Variants in ZNF492 observed in about 807,000 individuals in gnomAD.
ZNF492 encodes the protein zinc finger protein 492, also known as zinc finger protein 115 (Y20).
Under a neutral mutation model 6.4 loss-of-function variants are expected in ZNF492, and 3 were observed. The observed-to-expected ratio is 0.47, with a 90% CI of 0.21 to 1.22. The LOEUF is 1.22. Among genes scored for constraint, ZNF492 ranks in the 50% most tolerant of loss-of-function variants. The pLI is 0.22. For synonymous variants in ZNF492, 112 were observed against 205.3 expected, an observed-to-expected ratio of 0.55 and a Z score of 3.89; for missense variants, 356 against 612.5, an observed-to-expected ratio of 0.58 and a Z score of 4.42.
At position 22,659,654 on chromosome 19, in the gene ZNF492, G is replaced by GT. The variant is rs989873389; in HGVS notation, c.131-4137dup. On this transcript the variant is annotated intron_variant, in intron 3 of 3. Coordinates refer to ENST00000456783, the MANE Select transcript of ZNF492 (RefSeq NM_020855.3). ...GTTCCCAGTGAGTAAATCTGAAGTGGTTTTTTTTTGTTGTTTTTTTTTTTT... is the reference window on the plus strand; with the variant it reads ...GTTCCCAGTGAGTAAATCTGAAGTGGTTTTTTTTTTGTTGTTTTTTTTTTTT... Among the ~76,000 whole-genome samples, 1,108 of 139,064 alleles carry GT rather than the reference G, an allele frequency of 8.0e-3. 8 individuals carry two copies. The highest frequency in any genetic ancestry group is 1.0e-2 in the Non-Finnish European group (650 of 65,158). The allele number at this position is 139,064 out of a possible 152,430, so 91.2% of individuals were successfully genotyped here.
chr19:22,634,526 C>G (rs1971740052), intron 1 of ZNF492, 52 bp downstream of exon 1: 1 of 1,365,618 alleles, frequency 7.3e-7, no homozygotes, highest in Admixed American at 1.7e-5. Flanking sequence ...CTGGTTGGAA[C>G]CGGTGGCAAG....
Position 22,666,264 on chromosome 19 carries a change from C to T in ZNF492, c.*999C>T, listed in dbSNP as rs1252120158. The T allele has an allele frequency of 6.7e-6, 1 of 150,008 alleles. No homozygotes were observed. Among genetic ancestry groups the T allele is most frequent in the Non-Finnish European group, 1.5e-5 (1 of 67,832 alleles). 9.3% of individuals were successfully genotyped at this position (150,008 alleles called of 1,614,324 possible). On this transcript the variant is annotated 3_prime_UTR_variant, in exon 4 of 4. Coordinates refer to ENST00000456783, the MANE Select transcript of ZNF492 (RefSeq NM_020855.3). ...GGAGTACAGTGGCACGATCTCAGCT[C>T]ACTGCAACCTCCGTCTCCAGGGTTC... is the stretch of plus-strand genomic sequence containing the variant.
chr19:22,653,818 T>A (rs1971966131), intron 2 of ZNF492, 102 bp from the exon 3 acceptor site: 1 of 1,254,192 alleles, frequency 8.0e-7, no homozygotes, highest in East Asian at 2.6e-5. Context: ...TATTTTGGAA[T>A]CAATTTACTA....
intron 1 of ZNF492, among the ~76,000 whole-genome samples, chr19:22,647,294 T>G (rs1286432298): frequency 2.0e-5 from 3 of 150,488 alleles, no homozygotes; most frequent in African/African-American, 7.3e-5. Flanking sequence ...TTCATTCTTG[T>G]TGCCCAGGCT....
intron 1 of ZNF492, among the ~76,000 whole-genome samples, chr19:22,639,029 A>T (rs1178191118): frequency 2.0e-5 from 3 of 151,856 alleles, no homozygotes; most frequent in African/African-American, 4.8e-5. Flanking sequence ...TTTAGTAGAG[A>T]TGGGGTTTCA....
chr19:22,648,547 G>T (rs1428511423), intron 1 of ZNF492, among the ~76,000 whole-genome samples: 1 of 152,198 alleles, frequency 6.6e-6, no homozygotes, highest in Non-Finnish European at 1.5e-5. Context: ...ACAGTGAGGT[G>T]TTAAAGTCTC....
Position 22,658,631 on chromosome 19 carries a change from A to G in ZNF492, c.130+4616A>G, listed in dbSNP as rs4024182. ...CATTTTATTTTGCATAAAGTCATCAAGATTTACCTTTATAGTTGTTAGAAT... is the reference window on the plus strand; with the variant it reads ...CATTTTATTTTGCATAAAGTCATCAGGATTTACCTTTATAGTTGTTAGAAT... On this transcript the variant is annotated intron_variant, in intron 3 of 3. Coordinates refer to ENST00000456783, the MANE Select transcript of ZNF492 (RefSeq NM_020855.3). 2.4e-3 allele frequency among the ~76,000 whole-genome samples: 339 copies of G among 139,618 alleles called. 36 individuals carry two copies. Among genetic ancestry groups the G allele is most frequent in the Non-Finnish European group, 3.9e-3 (260 of 66,066 alleles). The allele number at this position is 139,618 out of a possible 152,430, so 91.6% of individuals were successfully genotyped here.
intron 1 of ZNF492, among the ~76,000 whole-genome samples, chr19:22,640,071 A>G (rs1158991280): frequency 3.9e-5 from 6 of 152,028 alleles, no homozygotes; most frequent in African/African-American, 1.4e-4. Flanking sequence ...GTTAAATTTT[A>G]TTGAAAGCCT....
intron 3 of ZNF492, among the ~76,000 whole-genome samples, chr19:22,654,950 A>G (rs1440438205): frequency 3.3e-5 from 5 of 151,718 alleles, no homozygotes; most frequent in African/African-American, 1.2e-4. Flanking sequence ...GAATTTTGAT[A>G]GAGAATTTAT....
At position 22,663,940 on chromosome 19, in the gene ZNF492, T is replaced by C; in HGVS notation, c.271T>C (p.Cys91Arg). ...LRKYCKSMDECKVHKECYNGL... is the reference protein window; with the variant it reads ...LRKYCKSMDERKVHKECYNGL... ...AAAATACTGTAAAAGCATGGATGAGTGTAAGGTGCACAAAGAATGTTACAA... is the reference window on the plus strand; with the variant it reads ...AAAATACTGTAAAAGCATGGATGAGCGTAAGGTGCACAAAGAATGTTACAA... The change falls in exon 4 of 4, where the codon TGT (cysteine) becomes CGT (arginine). Residue 91 changes from cysteine (C) to arginine (R), a missense_variant. Physicochemically the swap from Cys to Arg is radical, Grantham distance 180. This residue lies in a region of ZNF492 where 196 missense variants were observed against 219.4 expected (regional missense o/e 0.89). Transcript: ENST00000456783. The C allele has an allele frequency of 6.2e-7, 1 of 1,611,048 alleles. No individual in the cohort carries two copies. Among genetic ancestry groups the C allele is most frequent in the Non-Finnish European group, 8.5e-7 (1 of 1,178,690 alleles).
chr19:22,647,509 C>G (rs930155489), intron 1 of ZNF492, among the ~76,000 whole-genome samples: 1 of 151,400 alleles, frequency 6.6e-6, no homozygotes, highest in South Asian at 2.1e-4. Flanking sequence ...TGATCCCCCC[C>G]AATCTCGGCC....
At position 22,637,113 on chromosome 19, in the gene ZNF492, G is replaced by A. The variant is rs112929983; in HGVS notation, c.-94+2639G>A. ...TGGGATTACAGGCTCTTGCCACCAC[G>A]CCCGGGTAATTTTTTGTGTTTTTAT... On this transcript the variant is annotated intron_variant, in intron 1 of 3. Transcript: ENST00000456783. Among the ~76,000 whole-genome samples the A allele has an allele frequency of 8.6e-3, 1,299 of 150,916 alleles. 16 individuals carry two copies. The highest frequency in any genetic ancestry group is 0.03 in the African/African-American group (1,233 of 40,948).
intron 3 of ZNF492, among the ~76,000 whole-genome samples, chr19:22,662,777 GGTT>G (rs1386758546): frequency 2.0e-5 from 3 of 150,874 alleles, no homozygotes; most frequent in African/African-American, 4.9e-5. Flanking sequence ...TTTTTGATGG[GGTT>G]GTTAGTTTTT....
chr19:22,660,466 C>T (rs1257104257), intron 3 of ZNF492, among the ~76,000 whole-genome samples: 1 of 150,526 alleles, frequency 6.6e-6, no homozygotes, highest in Non-Finnish European at 1.5e-5. Context: ...CTATAAGAAA[C>T]AACAGTATAG....
intron 1 of ZNF492, among the ~76,000 whole-genome samples, chr19:22,649,652 T>C (rs1315245585): frequency 2.0e-5 from 3 of 152,170 alleles, no homozygotes; most frequent in Admixed American, 6.5e-5. Context: ...AGTCTTTTTT[T>C]CTCTAATCTT....
intron 3 of ZNF492, among the ~76,000 whole-genome samples, chr19:22,655,165 G>T (rs1971981875): frequency 6.6e-6 from 1 of 151,668 alleles, no homozygotes; most frequent in South Asian, 2.1e-4. Context: ...GTGGTGACAG[G>T]CGCCTGTAAT....
rs975285087 is a variant in ZNF492 at position 22,663,900 on chromosome 19, A to T, written c.231A>T (p.Glu77Asp). Residue 77 changes from glutamate to aspartate, a missense_variant, in exon 4 of 4, where the codon GAA (glutamate) becomes GAT (aspartate). Glu to Asp is a conservative substitution (Grantham distance 45). Transcript: ENST00000456783. ...ILRRYKKCGC[E>D]NLQLRKYCKS... The stretch of plus-strand genomic sequence containing the variant: ...GAAGATATAAAAAATGTGGATGTGA[A>T]AATTTACAGTTAAGAAAATACTGTA... 3.1e-6 allele frequency: 5 copies of T among 1,594,330 alleles called. No individual in the cohort carries two copies. The African/African-American group carries it at 4.1e-5, about 13-fold the overall frequency.
chr19:22,648,533 A>G (rs2145250644), intron 1 of ZNF492, among the ~76,000 whole-genome samples: 1 of 152,256 alleles, frequency 6.6e-6, no homozygotes, highest in South Asian at 2.1e-4. Context: ...TCCGTCTAAT[A>G]TTGACAGTGA....
intron 3 of ZNF492, among the ~76,000 whole-genome samples, chr19:22,659,741 C>T (rs1039000332): frequency 1.3e-5 from 2 of 148,650 alleles, no homozygotes; most frequent in Non-Finnish European, 3.0e-5. Flanking sequence ...TCTCGGCTCA[C>T]TGCAACCTCT....
Sources: gnomAD v4.1 joint callset for allele counts (sites outside exome capture counted in the v4.1 genomes callset) on GRCh38, gnomAD v4.1.1 for gene constraint, gnomAD v4.1.1 regional missense constraint, MANE v1.5 for transcripts, NCBI Gene and HGNC (gene_info 2026-07-23, HGNC 2026-07-21) for gene names.